Variants in LINGO2 observed in about 807,000 individuals in gnomAD.
LINGO2 encodes the protein leucine rich repeat and Ig domain containing 2, also known as leucine-rich repeat and immunoglobulin-like domain-containing nogo receptor-interacting protein 2.
Under a neutral mutation model 30.6 loss-of-function variants are expected in LINGO2, and 14 were observed. The observed-to-expected ratio is 0.46, with a 90% CI of 0.30 to 0.72. LINGO2 has a LOEUF of 0.72. LINGO2 is among the 30% of genes least tolerant of loss of function. LINGO2 has a pLI of 0.07. For synonymous variants in LINGO2, 317 were observed against 288.5 expected, an observed-to-expected ratio of 1.10 and a Z score of -1.00; for missense variants, 729 against 751.7, an observed-to-expected ratio of 0.97 and a Z score of 0.35.
intron 4 of LINGO2, among the ~76,000 whole-genome samples, chr9:28,142,047 T>C (rs996238744): frequency 3.9e-5 from 6 of 152,222 alleles, no homozygotes; most frequent in East Asian, 1.9e-4. Flanking sequence ...TAGAATTTCA[T>C]TGATGGATTA....
chr9:28,013,601 A>T (rs1206086400), intron 4 of LINGO2, among the ~76,000 whole-genome samples: 1 of 152,220 alleles, frequency 6.6e-6, no homozygotes, highest in South Asian at 2.1e-4. Flanking sequence ...GAATGAGAAG[A>T]AGCTGATAGT....
chr9:28,861,561 G>C, the LINGO2 span, among the ~76,000 whole-genome samples: 2 of 150,430 alleles, frequency 1.3e-5, no homozygotes, highest in African/African-American at 4.9e-5. Context: ...AGTATCTAGT[G>C]AGATTGTGTT....
the LINGO2 span, among the ~76,000 whole-genome samples, chr9:28,973,895 G>C: frequency 4.6e-5 from 7 of 152,174 alleles, no homozygotes; most frequent in African/African-American, 1.7e-4. Flanking sequence ...ATATGTTAAA[G>C]TGAGTACTTC....
rs2133537811 is a variant in LINGO2 at position 28,148,555 on chromosome 9, C to G, written c.-86-136150G>C. 1 of 1,494,184 alleles carries G rather than the reference C, an allele frequency of 6.7e-7. No homozygotes were observed. Among genetic ancestry groups the G allele is most frequent in the Admixed American group, 2.0e-5 (1 of 50,946 alleles). The allele number at this position is 1,494,184 out of a possible 1,614,324, so 92.6% of individuals were successfully genotyped here. On this transcript the variant is annotated intron_variant, in intron 4 of 5. Transcript: ENST00000379992. This position sits in a 1 kb window ranked among gnomAD's most constrained non-coding sequence, Gnocchi z 5.1. ...GGGAAGCAGCTTCCACCTCTAGGCCCCTGGAGACTCAGGGAAACTTCACTT... is the reference window on the plus strand; with the variant it reads ...GGGAAGCAGCTTCCACCTCTAGGCCGCTGGAGACTCAGGGAAACTTCACTT...
chr9:28,347,630 A>G (rs1819642954), intron 3 of LINGO2, among the ~76,000 whole-genome samples: 1 of 152,184 alleles, frequency 6.6e-6, no homozygotes, highest in Non-Finnish European at 1.5e-5. Flanking sequence ...CAATTTTCTT[A>G]GTTACATGTT....
chr9:29,177,555 A>G, the LINGO2 span, among the ~76,000 whole-genome samples: 2 of 152,184 alleles, frequency 1.3e-5, no homozygotes, highest in African/African-American at 4.8e-5. Context: ...AAAAACATGG[A>G]TATGTCCCCA....
At chr9:28,301,770 T>A (rs368988202) in intron 3 of LINGO2, among the ~76,000 whole-genome samples, 6 of 152,236 alleles carry the variant, frequency 3.9e-5, no homozygotes, top group Admixed American at 3.3e-4. Context: ...CTAAAATACA[T>A]AATCATCAGG....
intron 2 of LINGO2, among the ~76,000 whole-genome samples, chr9:28,440,904 G>C (rs954020248): frequency 6.6e-6 from 1 of 152,114 alleles, no homozygotes; most frequent in Non-Finnish European, 1.5e-5. Context: ...AAATGACCTA[G>C]AGGCATATCT....
the LINGO2 span, among the ~76,000 whole-genome samples, chr9:28,733,450 G>A: frequency 1.3e-5 from 2 of 152,102 alleles, no homozygotes; most frequent in African/African-American, 2.4e-5. Context: ...GTGACATTAA[G>A]TGAACTTATG....
At chr9:28,921,967 T>C in the LINGO2 span, among the ~76,000 whole-genome samples, 14 of 152,306 alleles carry the variant, frequency 9.2e-5, no homozygotes, top group African/African-American at 3.4e-4. Context: ...GCAGGTGGTC[T>C]TCTCCATGTA....
chr9:28,427,478 C>A (rs1823461845), intron 2 of LINGO2, among the ~76,000 whole-genome samples: 1 of 152,170 alleles, frequency 6.6e-6, no homozygotes, highest in Non-Finnish European at 1.5e-5. Flanking sequence ...ACCATAATCC[C>A]ATGAGGGATA....
chr9:29,052,195 G>A, the LINGO2 span, among the ~76,000 whole-genome samples: 1 of 151,860 alleles, frequency 6.6e-6, no homozygotes, highest in Admixed American at 6.6e-5. Flanking sequence ...AAAAGAACTG[G>A]GTCTCAGAGT....
At chr9:28,926,129 A>G in the LINGO2 span, among the ~76,000 whole-genome samples, 1 of 152,186 alleles carries the variant, frequency 6.6e-6, no homozygotes, top group Non-Finnish European at 1.5e-5. Context: ...CCTGGCCAAC[A>G]TGGTGAAACC....
chr9:28,549,298 A>C (rs1211589959), intron 1 of LINGO2, among the ~76,000 whole-genome samples: 1 of 152,100 alleles, frequency 6.6e-6, no homozygotes, highest in Non-Finnish European at 1.5e-5. Context: ...AGTCATGTTA[A>C]TGAACGCAGT....
chr9:28,681,370 G>T, the LINGO2 span, among the ~76,000 whole-genome samples: 1 of 152,026 alleles, frequency 6.6e-6, no homozygotes, highest in Non-Finnish European at 1.5e-5. Context: ...CTGAGAAGGG[G>T]CAATGATAGC....
chr9:27,971,817 G>A (rs1012784284), intron 5 of LINGO2, among the ~76,000 whole-genome samples: 2 of 152,122 alleles, frequency 1.3e-5, no homozygotes, highest in East Asian at 3.9e-4. Flanking sequence ...AAAGAAACAC[G>A]GGATGTGTAA....
intron 4 of LINGO2, among the ~76,000 whole-genome samples, chr9:28,089,845 G>A (rs964287532): frequency 2.3e-4 from 35 of 151,912 alleles, no homozygotes; most frequent in African/African-American, 8.5e-4. Context: ...AAAGAGAGAA[G>A]AATCAAATAG....
the LINGO2 span, among the ~76,000 whole-genome samples, chr9:29,138,029 C>T: frequency 2.0e-5 from 3 of 151,632 alleles, no homozygotes; most frequent in Admixed American, 6.6e-5. Flanking sequence ...TGAAGTTTCT[C>T]TTTTTTTATT....
intron 4 of LINGO2, among the ~76,000 whole-genome samples, chr9:28,222,844 C>T (rs572107268): frequency 5.9e-5 from 9 of 152,004 alleles, no homozygotes; most frequent in East Asian, 1.9e-4. Flanking sequence ...GAAGAGGGGG[C>T]GATTACATAC....
Sources: gnomAD v4.1 joint callset for allele counts (sites outside exome capture counted in the v4.1 genomes callset) on GRCh38, gnomAD v4.1.1 for gene constraint, Gnocchi (gnomAD v3.1) non-coding constraint, MANE v1.5 for transcripts, NCBI Gene and HGNC (gene_info 2026-07-23, HGNC 2026-07-21) for gene names.